PPEF2: variants seen among roughly 807,000 people sequenced by gnomAD.
PPEF2 encodes the protein serine/threonine-protein phosphatase with EF-hands 2.
Under a neutral mutation model 84.7 loss-of-function variants are expected in PPEF2, and 84 were observed. The ratio of observed to expected loss-of-function variants is 0.99; its 90% CI spans 0.83 to 1.19. PPEF2 has a LOEUF of 1.19. PPEF2 is among the 50% of genes most tolerant of loss of function. The pLI is 0.00. For missense variants in PPEF2, 924 were observed against 937.5 expected (o/e 0.99, Z 0.19); for synonymous variants, 346 against 345.2 (o/e 1.00, Z -0.03).
At chr4:75,888,364 C>T (rs765328754) in intron 5 of PPEF2, 36 bp from the exon 6 acceptor site, 1 of 1,477,830 alleles carries the variant, frequency 6.8e-7, no homozygotes, top group East Asian at 2.3e-5. Context: ...AAGAAAACAA[C>T]ACTGATATTC....
At chr4:75,883,326 G>T in intron 8 of PPEF2, 124 bp from the exon 9 acceptor site, 1 of 845,400 alleles carries the variant, frequency 1.2e-6, no homozygotes, top group South Asian at 1.5e-5. Flanking sequence ...AAGAGACTGA[G>T]GAATAATCAC....
At chr4:75,887,009 AAG>A in intron 6 of PPEF2, 111 bp from the exon 7 acceptor site, 1 of 534,340 alleles carries the variant, frequency 1.9e-6, no homozygotes, top group Non-Finnish European at 3.3e-6. Context: ...AAACCCTACA[AAG>A]TTTTCCATAT....
At chr4:75,873,399 A>C (rs1218344368) in intron 11 of PPEF2, 87 bp from the exon 12 acceptor site, 1 of 1,209,234 alleles carries the variant, frequency 8.3e-7, no homozygotes, top group Non-Finnish European at 1.2e-6. Flanking sequence ...AGGAGGAGGA[A>C]AATATTTGAA....
chr4:75,886,624 G>T (rs1724732972), intron 7 of PPEF2, among the ~76,000 whole-genome samples: 1 of 152,148 alleles, frequency 6.6e-6, no homozygotes, highest in Non-Finnish European at 1.5e-5. Context: ...GGAGGCTGAG[G>T]TGGGAGGATT....
At chr4:75,893,958 T>C (rs752361951) in intron 2 of PPEF2, among the ~76,000 whole-genome samples, 1 of 152,202 alleles carries the variant, frequency 6.6e-6, no homozygotes, top group Non-Finnish European at 1.5e-5. Context: ...TGCAGGATCT[T>C]TTAATATCCT....
At position 75,896,328 on chromosome 4, in the gene PPEF2, T is replaced by A. The variant is rs554918974; in HGVS notation, c.-3A>T. On this transcript the variant is annotated 5_prime_UTR_variant, in exon 2 of 17. Transcript: ENST00000286719. ...TGGGTGGAGGTGCCGCTTCCCATAGTTTAAGCGCAATGCTCCTGCAGGACG... is the reference window on the plus strand; with the variant it reads ...TGGGTGGAGGTGCCGCTTCCCATAGATTAAGCGCAATGCTCCTGCAGGACG... 3.0e-4 allele frequency: 481 copies of A among 1,614,150 alleles called. 2 individuals carry two copies. The South Asian group carries it at 4.9e-3, about 17-fold the overall frequency.
chr4:75,878,190 C>T (rs1724476461), intron 10 of PPEF2, among the ~76,000 whole-genome samples: 1 of 152,306 alleles, frequency 6.6e-6, no homozygotes, highest in South Asian at 2.1e-4. Flanking sequence ...AAAGACACTC[C>T]TTGCCACAGG....
intron 14 of PPEF2, among the ~76,000 whole-genome samples, chr4:75,866,821 G>A (rs1222797062): frequency 6.6e-6 from 1 of 152,172 alleles, no homozygotes; most frequent in African/African-American, 2.4e-5. Context: ...TACAGTATGT[G>A]TACGTGAAAA....
At chr4:75,883,817 C>CAAAAAA (rs35897623) in intron 8 of PPEF2, among the ~76,000 whole-genome samples, 1 of 60,702 alleles carries the variant, frequency 1.6e-5, no homozygotes. Context: ...GACTCCGTCA[C>CAAAAAA]AAAAAAAAAA....
At chr4:75,886,995 G>GA (rs560563025) in intron 6 of PPEF2, 97 bp from the exon 7 acceptor site, 404 of 613,066 alleles carry the variant, frequency 6.6e-4, no homozygotes, top group Admixed American at 2.4e-3. Context: ...GAATCTGACA[G>GA]AAAAAACCCT....
intron 11 of PPEF2, among the ~76,000 whole-genome samples, chr4:75,874,902 CT>C (rs547098807): frequency 0.023 from 3,189 of 137,986 alleles, 56 homozygotes; most frequent in African/African-American, 0.074. Context: ...TTCTTTCTTT[CT>C]TTTTTTTTTT....
chr4:75,893,861 C>CTT (rs56898202), intron 2 of PPEF2, among the ~76,000 whole-genome samples: 1 of 148,494 alleles, frequency 6.7e-6, no homozygotes, highest in Non-Finnish European at 1.5e-5. Context: ...CTTTCATTCT[C>CTT]CCTCTTTTTT....
At chr4:75,881,959 T>C (rs1384911128) in intron 10 of PPEF2, 1 of 152,240 alleles carries the variant, frequency 6.6e-6, no homozygotes, top group Non-Finnish European at 1.5e-5. Context: ...CAGGAAAATG[T>C]TGTCATGGAT....
intron 2 of PPEF2, among the ~76,000 whole-genome samples, chr4:75,892,681 T>G (rs1489344526): frequency 2.6e-5 from 4 of 152,154 alleles, no homozygotes; most frequent in African/African-American, 7.2e-5. Context: ...GTCCCCCACA[T>G]GGCCACTGGG....
chr4:75,887,206 T>A (rs781621369), intron 6 of PPEF2, among the ~76,000 whole-genome samples: 10 of 152,216 alleles, frequency 6.6e-5, no homozygotes, highest in African/African-American at 9.6e-5. Context: ...TTTGCCCACG[T>A]TAAACTAGAA....
chr4:75,897,500 T>C (rs543999034), intron 1 of PPEF2, among the ~76,000 whole-genome samples: 3 of 152,258 alleles, frequency 2.0e-5, no homozygotes, highest in African/African-American at 7.2e-5. Context: ...AGAACCCATC[T>C]TCCAGGCCAT....
chr4:75,866,053 C>T, intron 15 of PPEF2, 136 bp downstream of exon 15: 1 of 1,043,206 alleles, frequency 9.6e-7, no homozygotes, highest in South Asian at 1.9e-5. Flanking sequence ...CACATAGAAA[C>T]TCAAGAAATA....
intron 10 of PPEF2, among the ~76,000 whole-genome samples, chr4:75,877,847 C>G (rs1331064617): frequency 6.6e-6 from 1 of 152,034 alleles, no homozygotes; most frequent in Non-Finnish European, 1.5e-5. Flanking sequence ...GTTTATAAAA[C>G]CTGGTCCTTC....
intron 7 of PPEF2, 113 bp from the exon 8 acceptor site, chr4:75,884,873 T>G: frequency 2.2e-6 from 2 of 890,262 alleles, no homozygotes. Context: ...ATTCTGTGCT[T>G]TCTAGGTCTC....
Sources: gnomAD v4.1 joint callset for allele counts (sites outside exome capture counted in the v4.1 genomes callset) on GRCh38, gnomAD v4.1.1 for gene constraint, MANE v1.5 for transcripts, NCBI Gene and HGNC (gene_info 2026-07-23, HGNC 2026-07-21) for gene names.